USH2A: variants seen among roughly 807,000 people sequenced by gnomAD.
The protein encoded by USH2A is usherin.
In USH2A, 443 loss-of-function variants were observed where a neutral mutation model predicts 538.9. That is an observed-to-expected ratio of 0.82 (90% CI 0.76 to 0.89). The LOEUF is 0.89. USH2A is among the 40% of genes least tolerant of loss of function. The pLI, the probability that USH2A is intolerant of heterozygous loss-of-function variation, is 0.00. For missense variants in USH2A, 6,633 were observed against 6,324.8 expected (o/e 1.05, Z -1.65); for synonymous variants, 2,413 against 2,273.5 (o/e 1.06, Z -1.75).
intron 21 of USH2A, among the ~76,000 whole-genome samples, chr1:216,156,042 A>C (rs2033930490): frequency 6.6e-6 from 1 of 152,144 alleles, no homozygotes; most frequent in Admixed American, 6.5e-5. Context: ...TATAAAGATG[A>C]ATAAAATTAC....
chr1:215,987,278 A>C (rs1667892753), intron 35 of USH2A, among the ~76,000 whole-genome samples: 1 of 148,828 alleles, frequency 6.7e-6, no homozygotes, highest in Non-Finnish European at 1.5e-5. Flanking sequence ...ACGCAATTGC[A>C]ATCTACACAA....
chr1:215,856,731 A>C (rs1019308144), intron 44 of USH2A, among the ~76,000 whole-genome samples: 1 of 152,158 alleles, frequency 6.6e-6, no homozygotes, highest in African/African-American at 2.4e-5. Context: ...ATTATATGAA[A>C]AGATACTTAC....
chr1:215,757,015 A>G (rs1173907616), intron 58 of USH2A, among the ~76,000 whole-genome samples: 1 of 152,184 alleles, frequency 6.6e-6, no homozygotes, highest in African/African-American at 2.4e-5. Context: ...GTAAATTTAT[A>G]TATTTCCCAC....
chr1:216,113,138 A>T (rs1393640255), intron 21 of USH2A, among the ~76,000 whole-genome samples: 9 of 6,580 alleles, frequency 1.4e-3, no homozygotes, highest in Non-Finnish European at 2.0e-3. Context: ...TCCAAATGAT[A>T]AAAAAAAAAA....
intron 9 of USH2A, among the ~76,000 whole-genome samples, chr1:216,311,939 C>T (rs917954473): frequency 1.3e-5 from 2 of 151,988 alleles, no homozygotes; most frequent in African/African-American, 4.8e-5. Context: ...CTGGTATCTA[C>T]TAGATCAATT....
At chr1:216,187,702 T>C (rs988618043) in intron 20 of USH2A, among the ~76,000 whole-genome samples, 5 of 152,038 alleles carry the variant, frequency 3.3e-5, no homozygotes, top group Admixed American at 1.3e-4. Flanking sequence ...AAGTCTTCTA[T>C]AATATTATGA....
chr1:216,245,496 AG>A (rs1250259418), intron 13 of USH2A, among the ~76,000 whole-genome samples: 4 of 150,680 alleles, frequency 2.7e-5, no homozygotes, highest in Non-Finnish European at 1.5e-5. Context: ...AGAGAGAGAG[AG>A]AGAGAGAGAG....
intron 3 of USH2A, among the ~76,000 whole-genome samples, chr1:216,368,164 T>G (rs1307355934): frequency 1.3e-5 from 2 of 151,984 alleles, no homozygotes; most frequent in African/African-American, 2.4e-5. Context: ...TTTGTGTCCC[T>G]GTGATAGATT....
chr1:216,180,195 C>G (rs541550660), intron 20 of USH2A, among the ~76,000 whole-genome samples: 1 of 151,790 alleles, frequency 6.6e-6, no homozygotes, highest in Admixed American at 6.6e-5. Flanking sequence ...CTGTATTTAC[C>G]CAGAAAATTC....
chr1:215,627,420 C>CTTT (rs1246479131), intron 71 of USH2A, among the ~76,000 whole-genome samples: 10 of 117,348 alleles, frequency 8.5e-5, no homozygotes, highest in African/African-American at 2.9e-4. Flanking sequence ...TTCCTTCCTT[C>CTTT]CTTCCTTCCT....
chr1:216,102,875 T>C (rs1280882542), intron 21 of USH2A, among the ~76,000 whole-genome samples: 1 of 152,194 alleles, frequency 6.6e-6, no homozygotes, highest in Non-Finnish European at 1.5e-5. Flanking sequence ...CTCCTGGATC[T>C]ACATCCAGCC....
intron 52 of USH2A, among the ~76,000 whole-genome samples, chr1:215,785,749 C>A (rs944662106): frequency 5.3e-5 from 8 of 152,102 alleles, no homozygotes; most frequent in Non-Finnish European, 7.4e-5. Context: ...AATCTTCCTC[C>A]TCTTATCTTA....
chr1:215,785,258 T>C (rs1200055852), intron 52 of USH2A, among the ~76,000 whole-genome samples: 3 of 152,122 alleles, frequency 2.0e-5, no homozygotes. Context: ...GGGACTGCAT[T>C]GAGGAAAAGA....
At chr1:216,109,381 C>T (rs961498922) in intron 21 of USH2A, among the ~76,000 whole-genome samples, 2 of 152,156 alleles carry the variant, frequency 1.3e-5, no homozygotes, top group Non-Finnish European at 2.9e-5. Context: ...GCTGTCTGAA[C>T]AAGTGTTTAG....
chr1:215,896,958 T>G (rs901599083), intron 40 of USH2A, among the ~76,000 whole-genome samples: 5 of 152,148 alleles, frequency 3.3e-5, no homozygotes, highest in African/African-American at 1.2e-4. Context: ...ATTTAAAATA[T>G]TCATAGGAAA....
At chr1:215,933,811 A>G (rs1666423563) in intron 38 of USH2A, among the ~76,000 whole-genome samples, 1 of 151,964 alleles carries the variant, frequency 6.6e-6, no homozygotes, top group African/African-American at 2.4e-5. Flanking sequence ...CTTTGCCTTC[A>G]GGATTTTCAG....
chr1:215,724,078 A>G (rs1347793062), intron 61 of USH2A, among the ~76,000 whole-genome samples: 1 of 6,764 alleles, frequency 1.5e-4, no homozygotes, highest in Non-Finnish European at 4.4e-3. Context: ...TGTGATATCT[A>G]TATCTATATC....
At chr1:215,845,223 C>T (rs1663807556) in intron 45 of USH2A, among the ~76,000 whole-genome samples, 1 of 152,090 alleles carries the variant, frequency 6.6e-6, no homozygotes, top group Non-Finnish European at 1.5e-5. Context: ...ATGGGTTCCA[C>T]ACTTAAAGAG....
intron 43 of USH2A, among the ~76,000 whole-genome samples, chr1:215,869,449 T>G (rs1021357624): frequency 2.0e-5 from 3 of 152,192 alleles, no homozygotes; most frequent in Non-Finnish European, 2.9e-5. Context: ...ATTCAAACAG[T>G]CTGGCCAAAT....
Sources: allele counts gnomAD v4.1 joint callset (sites outside exome capture counted in the v4.1 genomes callset), GRCh38; gene constraint gnomAD v4.1.1; transcripts MANE v1.5; gene names NCBI Gene and HGNC (gene_info 2026-07-23, HGNC 2026-07-21).